Variants in L3MBTL2 observed in about 807,000 individuals in gnomAD.
L3MBTL2 encodes the protein L3MBTL histone methyl-lysine binding protein 2, also known as lethal(3)malignant brain tumor-like protein 2.
L3MBTL2 carries 49 observed loss-of-function variants against 86.4 expected under a neutral mutation model. The observed-to-expected ratio is 0.57, with a 90% CI of 0.45 to 0.72. The LOEUF (loss-of-function observed/expected upper bound fraction) is 0.72, where lower values mean the gene tolerates loss of function less well. Ranked by LOEUF, L3MBTL2 falls within the 30% of genes least tolerant of loss-of-function variation. The pLI is 0.00. For synonymous variants in L3MBTL2, 336 were observed against 350.6 expected (o/e 0.96, Z 0.47); for missense variants, 755 against 923.7 (o/e 0.82, Z 2.37).
In L3MBTL2 at chr22:41,224,949, C is replaced by T; in HGVS notation, c.1252-18C>T. 1 of 1,608,082 alleles carries T rather than the reference C, an allele frequency of 6.2e-7. No homozygotes were observed. The highest frequency in any genetic ancestry group is 2.2e-5 in the East Asian group (1 of 44,772). ...CCTGGCCTGCCCAGGGAGTCCCCAGCTGTCCCATTCCTTTAAGGTACGAGC... is the reference window on the plus strand; with the variant it reads ...CCTGGCCTGCCCAGGGAGTCCCCAGTTGTCCCATTCCTTTAAGGTACGAGC... On this transcript the variant is annotated intron_variant, in intron 10 of 16. Transcript: ENST00000216237. The surrounding 1 kb of genome is among the most constrained non-coding windows in gnomAD (Gnocchi z 4.9).
In L3MBTL2 at chr22:41,209,837, A is replaced by T; in HGVS notation, c.166A>T (p.Asn56Tyr). ...SYLEESSEAE[N>Y]EDREAGELPT... ...TCTGGAGGAGTCAAGTGAAGCAGAA[A>T]ATGAGGATCGGGAAGCAGGGGAACT... Residue 56 changes from asparagine (N) to tyrosine (Y), a missense_variant, in exon 2 of 17, where the codon AAT becomes TAT. Coordinates refer to ENST00000216237, the MANE Select transcript of L3MBTL2 (RefSeq NM_031488.5). 6.2e-7 allele frequency: 1 copy of T among 1,614,172 alleles called. No individual in the cohort carries two copies. Among genetic ancestry groups the T allele is most frequent in the Non-Finnish European group, 8.5e-7 (1 of 1,180,038 alleles).
intron 1 of L3MBTL2, among the ~76,000 whole-genome samples, chr22:41,206,342 C>G (rs910940360): frequency 8.6e-5 from 13 of 151,666 alleles, no homozygotes; most frequent in African/African-American, 2.7e-4. Context: ...ACGGGGTGTT[C>G]CTATGTTGCC....
At chr22:41,213,266 A>G (rs956404203) in intron 2 of L3MBTL2, among the ~76,000 whole-genome samples, 34 of 152,146 alleles carry the variant, frequency 2.2e-4, no homozygotes, top group African/African-American at 7.5e-4. Context: ...CCTTTACTAT[A>G]TAGATGAGAA....
intron 1 of L3MBTL2, 26 bp downstream of exon 1, chr22:41,205,412 C>A (rs778899792): frequency 1.9e-6 from 3 of 1,613,828 alleles, no homozygotes; most frequent in Non-Finnish European, 2.5e-6. Context: ...CTTAGCGTGA[C>A]TGGGAAAGGG....
At chr22:41,219,373 T>C (rs2031646102) in intron 5 of L3MBTL2, 46 bp from the exon 6 acceptor site, 1 of 1,440,814 alleles carries the variant, frequency 6.9e-7, no homozygotes, top group African/African-American at 1.4e-5. Context: ...TCTCCCCTGC[T>C]AGCACAGTTA....
Position 41,227,890 on chromosome 22 carries a change from G to A in L3MBTL2, c.1888+21G>A. The A allele has an allele frequency of 6.2e-7, 1 of 1,610,584 alleles. No individual in the cohort carries two copies. On this transcript the variant is annotated intron_variant, in intron 15 of 16. Transcript: ENST00000216237. The surrounding 1 kb of genome is among the most constrained non-coding windows in gnomAD (Gnocchi z 6.0). ...GAAAAGTAAGTGCTGCACCGGTGCA[G>A]CCAGGCTGGTGTGGGCCTGGGAGCA... is the stretch of plus-strand genomic sequence containing the variant.
chr22:41,227,661 C>T lies in L3MBTL2; in HGVS notation c.1823-143C>T, dbSNP rs927883458. On this transcript the variant is annotated intron_variant, in intron 14 of 16. Coordinates refer to ENST00000216237, the MANE Select transcript of L3MBTL2 (RefSeq NM_031488.5). The surrounding 1 kb of genome is among the most constrained non-coding windows in gnomAD (Gnocchi z 6.0). The stretch of plus-strand genomic sequence containing the variant: ...TTCTCCGGCCCCTCCTCCAGCCCCG[C>T]CCTCTCCTCATTGCCCAGGTTTGGC... 3 of 1,564,946 alleles carry T rather than the reference C, an allele frequency of 1.9e-6. No individual in the cohort carries two copies. The highest frequency in any genetic ancestry group is 2.6e-6 in the Non-Finnish European group (3 of 1,154,670).
At chr22:41,206,451 A>G (rs2030217397) in intron 1 of L3MBTL2, among the ~76,000 whole-genome samples, 1 of 152,066 alleles carries the variant, frequency 6.6e-6, no homozygotes, top group Admixed American at 6.6e-5. Flanking sequence ...CCTCCTAAGT[A>G]GCTGGGACTA....
chr22:41,229,648 C>G lies in L3MBTL2; in HGVS notation c.1997C>G (p.Pro666Arg). The change falls in exon 16 of 17, where the codon CCT (proline) becomes CGT (arginine). Residue 666 changes from proline to arginine, a missense_variant. Physicochemically the swap from Pro to Arg is moderately radical, Grantham distance 103. Coordinates refer to ENST00000216237, the MANE Select transcript of L3MBTL2 (RefSeq NM_031488.5). ...AGGAAGATCTCGTCGGAGCCTGTTC[C>G]TGGCGAGAGTAAGAGCCACCGGGCT... ...GARKISSEPV[P>R]GEIIAVRVKE... The G allele has an allele frequency of 6.2e-7, 1 of 1,613,552 alleles. No individual in the cohort carries two copies.
intron 16 of L3MBTL2, 147 bp downstream of exon 16, chr22:41,229,803 C>T: frequency 1.2e-5 from 16 of 1,354,796 alleles, no homozygotes; most frequent in Non-Finnish European, 1.7e-5. Flanking sequence ...CCACTGGACC[C>T]AGGGTGTTTC....
intron 4 of L3MBTL2, 47 bp from the exon 5 acceptor site, chr22:41,217,076 G>T: frequency 6.6e-7 from 1 of 1,521,352 alleles, no homozygotes. Flanking sequence ...CTCCTGGAGT[G>T]GCTGCTGCGC....
chr22:41,217,044 C>T, intron 4 of L3MBTL2, 79 bp from the exon 5 acceptor site: 1 of 1,176,506 alleles, frequency 8.5e-7, no homozygotes, highest in Non-Finnish European at 1.3e-6. Context: ...CTGCAGGTCC[C>T]ACAGGGCCCT....
rs143455680 is a variant in L3MBTL2 at position 41,209,772 on chromosome 22, G to T, written c.101G>T (p.Arg34Leu). Residue 34 changes from arginine (R) to leucine (L), a missense_variant, in exon 2 of 17, where the codon CGG becomes CTG. This residue lies in a region of L3MBTL2 where 103 missense variants were observed against 105.2 expected (regional missense o/e 0.98). Coordinates refer to ENST00000216237, the MANE Select transcript of L3MBTL2 (RefSeq NM_031488.5). ...LELFGGYDSF[R>L]SYNSSVGSES... is the part of the protein sequence containing the mutation. ...CTGTTTGGTGGCTATGATAGTTTCC[G>T]GAGTTATAACAGCAGTGTGGGCAGT... The T allele has an allele frequency of 5.0e-6, 8 of 1,614,006 alleles. No individual in the cohort carries two copies. Among genetic ancestry groups the T allele is most frequent in the Non-Finnish European group, 6.8e-6 (8 of 1,180,042 alleles).
intron 8 of L3MBTL2, among the ~76,000 whole-genome samples, chr22:41,221,930 G>A (rs1176529762): frequency 2.7e-5 from 4 of 150,538 alleles, no homozygotes; most frequent in Non-Finnish European, 4.4e-5. Context: ...ATAGAGTCTC[G>A]CTCTGTTGCC....
intron 16 of L3MBTL2, 63 bp from the exon 17 acceptor site, chr22:41,230,076 T>TG: frequency 4.4e-6 from 4 of 912,370 alleles, no homozygotes; most frequent in East Asian, 2.5e-5. Context: ...TCCCAGCTCC[T>TG]CCGCCCCCAC....
Position 41,224,675 on chromosome 22 carries a change from C to G in L3MBTL2, c.1175-50C>G, listed in dbSNP as rs1205469574. On this transcript the variant is annotated intron_variant, in intron 9 of 16. Coordinates refer to ENST00000216237, the MANE Select transcript of L3MBTL2 (RefSeq NM_031488.5). The surrounding 1 kb of genome is among the most constrained non-coding windows in gnomAD (Gnocchi z 4.9). ...GAGGCGTGTGGAGATGGCCCAGGAG[C>G]CGCCTCCAACTCCCTTCTCTCCCTC... 7.0e-7 allele frequency: 1 copy of G among 1,424,072 alleles called. No individual in the cohort carries two copies. The highest frequency in any genetic ancestry group is 2.3e-5 in the East Asian group (1 of 43,950). 88.2% of individuals were successfully genotyped at this position (1,424,072 alleles called of 1,614,324 possible).
In L3MBTL2 at chr22:41,225,639, G is replaced by A. The variant is rs1827710428; in HGVS notation, c.1357-155G>A. Among the ~76,000 whole-genome samples the A allele has an allele frequency of 6.6e-6, 1 of 152,216 alleles. No homozygotes were observed. Among genetic ancestry groups the A allele is most frequent in the African/African-American group, 2.4e-5 (1 of 41,464 alleles). ...CACGCGTATGCATCACAGAAGTACT[G>A]TGTGCCCCAGAGAGGCTCAGGTGTC... On this transcript the variant is annotated intron_variant, in intron 11 of 16. Coordinates refer to ENST00000216237, the MANE Select transcript of L3MBTL2 (RefSeq NM_031488.5). The surrounding 1 kb of genome is among the most constrained non-coding windows in gnomAD (Gnocchi z 4.1).
chr22:41,219,893 G>T (rs2031689108), intron 6 of L3MBTL2, among the ~76,000 whole-genome samples: 1 of 152,118 alleles, frequency 6.6e-6, no homozygotes, highest in Non-Finnish European at 1.5e-5. Context: ...AGGCCACCTG[G>T]CCACCACACA....
chr22:41,205,505 C>T (rs1473181943), intron 1 of L3MBTL2, 119 bp downstream of exon 1: 1 of 1,228,722 alleles, frequency 8.1e-7, no homozygotes, highest in African/African-American at 1.5e-5. Context: ...GATGGATAAA[C>T]TGAGGTAGTT....
Sources: allele counts gnomAD v4.1 joint callset (sites outside exome capture counted in the v4.1 genomes callset), GRCh38; gene constraint gnomAD v4.1.1; regional missense constraint gnomAD v4.1.1; non-coding constraint Gnocchi (gnomAD v3.1); transcripts MANE v1.5; gene names NCBI Gene and HGNC (gene_info 2026-07-23, HGNC 2026-07-21).